GLRA3: variants seen among roughly 807,000 people sequenced by gnomAD.
GLRA3 encodes glycine receptor alpha 3.
In GLRA3, 44 loss-of-function variants were observed where a neutral mutation model predicts 60.4. The observed-to-expected ratio is 0.73, with a 90% CI of 0.57 to 0.94. The LOEUF (loss-of-function observed/expected upper bound fraction) is 0.94, where lower values mean the gene tolerates loss of function less well. Ranked by LOEUF, GLRA3 falls within the 40% of genes least tolerant of loss-of-function variation. The pLI, the probability that GLRA3 is intolerant of heterozygous loss-of-function variation, is 0.00. For missense variants in GLRA3, 508 were observed against 564.6 expected, an observed-to-expected ratio of 0.90 and a Z score of 1.02; for synonymous variants, 223 against 192.9, an observed-to-expected ratio of 1.16 and a Z score of -1.29.
rs111543471 is a variant in GLRA3, at chr4:174,809,140, G to A, written c.71+19601C>T. On this transcript the variant is annotated intron_variant, in intron 1 of 9. Transcript: ENST00000274093. ...TCATTTGCTTTTACCTTTAGCAAACGTAGTTTTACTGTATCATTTCTATGT... is the reference window on the plus strand; with the variant it reads ...TCATTTGCTTTTACCTTTAGCAAACATAGTTTTACTGTATCATTTCTATGT... 6.6e-3 allele frequency among the ~76,000 whole-genome samples: 1,008 copies of A among 152,150 alleles called. 12 individuals carry two copies. Among genetic ancestry groups the A allele is most frequent in the African/African-American group, 0.023 (962 of 41,514 alleles).
At chr4:174,737,673 G>A (rs1205558109) in intron 3 of GLRA3, among the ~76,000 whole-genome samples, 1 of 151,960 alleles carries the variant, frequency 6.6e-6, no homozygotes, top group Non-Finnish European at 1.5e-5. Flanking sequence ...CACCATGTCT[G>A]GAGAAATTTT....
chr4:174,708,821 T>C (rs1478116437), intron 5 of GLRA3, among the ~76,000 whole-genome samples: 1 of 150,486 alleles, frequency 6.6e-6, no homozygotes, highest in Non-Finnish European at 1.5e-5. Flanking sequence ...CTTTTTTTTT[T>C]CAACTAGCAA....
intron 2 of GLRA3, among the ~76,000 whole-genome samples, chr4:174,772,972 A>G (rs866836274): frequency 6.6e-6 from 1 of 152,186 alleles, no homozygotes; most frequent in Non-Finnish European, 1.5e-5. Context: ...GGTGCACATG[A>G]GATTAGTGCA....
intron 1 of GLRA3, among the ~76,000 whole-genome samples, chr4:174,790,672 C>T (rs75011216): frequency 0.092 from 13,954 of 151,800 alleles, 800 homozygotes; most frequent in Middle Eastern, 0.18. Flanking sequence ...TACTCTGCCT[C>T]CTTCTCTTTT....
chr4:174,706,177 C>A (rs1056699377), intron 5 of GLRA3, among the ~76,000 whole-genome samples: 29 of 151,836 alleles, frequency 1.9e-4, no homozygotes, highest in Non-Finnish European at 3.2e-4. Flanking sequence ...TTGCAGTGAG[C>A]CGAGTTCACG....
intron 5 of GLRA3, among the ~76,000 whole-genome samples, chr4:174,695,684 G>A (rs532804360): frequency 2.0e-4 from 30 of 152,042 alleles, no homozygotes; most frequent in Non-Finnish European, 2.1e-4. Context: ...GGCACAAGAC[G>A]AGAATGTCCT....
intron 5 of GLRA3, among the ~76,000 whole-genome samples, chr4:174,685,556 T>C (rs1247169330): frequency 2.0e-5 from 3 of 152,182 alleles, no homozygotes; most frequent in Non-Finnish European, 4.4e-5. Flanking sequence ...TGTGGGAACC[T>C]GAAGGACTGT....
chr4:174,779,904 G>C (rs897722391), intron 2 of GLRA3, among the ~76,000 whole-genome samples: 20 of 152,036 alleles, frequency 1.3e-4, no homozygotes, highest in African/African-American at 4.8e-4. Context: ...ATATCATCCA[G>C]GAGAACTTCC....
intron 7 of GLRA3, 149 bp from the exon 8 acceptor site, chr4:174,659,346 CTTAG>C (rs780128023): frequency 1.5e-6 from 1 of 647,820 alleles, no homozygotes; most frequent in African/African-American, 1.9e-5. Flanking sequence ...TTGAAGTTTC[CTTAG>C]TTATTTTTGT....
In GLRA3 at chr4:174,637,697, T is replaced by C. The variant is rs1732529807; in HGVS notation, c.*6089A>G. 6.6e-6 allele frequency: 1 copy of C among 152,200 alleles called. No homozygotes were observed. Among genetic ancestry groups the C allele is most frequent in the Admixed American group, 6.5e-5 (1 of 15,268 alleles). 9.4% of individuals were successfully genotyped at this position (152,200 alleles called of 1,614,324 possible). A position where few individuals can be genotyped will look rare whatever the true frequency, so the allele number is the denominator to read the frequency against. The stretch of plus-strand genomic sequence containing the variant: ...AGCTTTACTCTAAAAACACACAATA[T>C]GGTTAATATGGTTTGCTGCTAGTTT... On this transcript the variant is annotated 3_prime_UTR_variant, in exon 10 of 10. Transcript: ENST00000274093.
chr4:174,801,784 C>T (rs1304581888), intron 1 of GLRA3, among the ~76,000 whole-genome samples: 2 of 152,008 alleles, frequency 1.3e-5, no homozygotes. Flanking sequence ...ATAATTCCCC[C>T]AGGAAGCCTT....
chr4:174,639,582 A>G lies in GLRA3; in HGVS notation c.*4204T>C, dbSNP rs1732580511. Reference sequence around the variant, plus strand: ...ATTTTTCCCTGCCCTAGTTCCGTTTAAATTGTAGAGAGTTATATTTTACAC... The same window carrying G: ...ATTTTTCCCTGCCCTAGTTCCGTTTGAATTGTAGAGAGTTATATTTTACAC... On this transcript the variant is annotated 3_prime_UTR_variant, in exon 10 of 10. Coordinates refer to ENST00000274093, the MANE Select transcript of GLRA3 (RefSeq NM_006529.4). 2 of 152,098 alleles carry G rather than the reference A, an allele frequency of 1.3e-5. No individual in the cohort carries two copies. Among genetic ancestry groups the G allele is most frequent in the Non-Finnish European group, 2.9e-5 (2 of 68,018 alleles). 9.4% of individuals were successfully genotyped at this position (152,098 alleles called of 1,614,324 possible).
chr4:174,732,805 ATGTATGTG>A (rs927283063), intron 3 of GLRA3, among the ~76,000 whole-genome samples: 2 of 151,764 alleles, frequency 1.3e-5, no homozygotes, highest in Admixed American at 6.6e-5. Context: ...ATGTGTATGT[ATGTATGTG>A]TGTATGTATG....
rs191518018 is a variant in GLRA3 at position 174,756,587 on chromosome 4, G to A, written c.267+10376C>T. 5.3e-5 allele frequency among the ~76,000 whole-genome samples: 8 copies of A among 151,386 alleles called. No homozygotes were observed. In the East Asian group the frequency reaches 1.4e-3, roughly 26 times the overall value. ...AACATCTCAGCAAACAACAGTGGAAGTAAACTCAATCTAATAAGGAGGATT... is the reference window on the plus strand; with the variant it reads ...AACATCTCAGCAAACAACAGTGGAAATAAACTCAATCTAATAAGGAGGATT... On this transcript the variant is annotated intron_variant, in intron 3 of 9. Coordinates refer to ENST00000274093, the MANE Select transcript of GLRA3 (RefSeq NM_006529.4).
intron 1 of GLRA3, among the ~76,000 whole-genome samples, chr4:174,801,133 T>A (rs1739795964): frequency 6.6e-6 from 1 of 152,074 alleles, no homozygotes; most frequent in Admixed American, 6.6e-5. Flanking sequence ...GATGAGTTTA[T>A]CAAGATGTAA....
chr4:174,787,729 C>T (rs1579608400), intron 2 of GLRA3, among the ~76,000 whole-genome samples: 1 of 151,916 alleles, frequency 6.6e-6, no homozygotes, highest in African/African-American at 2.4e-5. Context: ...ACAACTTGTA[C>T]TCAGTGCTTT....
chr4:174,725,104 C>T (rs986865703), intron 4 of GLRA3, among the ~76,000 whole-genome samples: 2 of 152,152 alleles, frequency 1.3e-5, no homozygotes, highest in Non-Finnish European at 2.9e-5. Context: ...AGCTTCATAC[C>T]CTTTCCCCCT....
chr4:174,805,225 T>A (rs1433566330), intron 1 of GLRA3, among the ~76,000 whole-genome samples: 2 of 152,168 alleles, frequency 1.3e-5, no homozygotes, highest in East Asian at 1.9e-4. Flanking sequence ...TGTATTAGGA[T>A]GAGTGTGGTG....
intron 1 of GLRA3, among the ~76,000 whole-genome samples, chr4:174,817,165 A>C (rs1740539008): frequency 1.3e-5 from 2 of 152,192 alleles, no homozygotes; most frequent in Non-Finnish European, 2.9e-5. Context: ...CCACAGAGGC[A>C]CACAAGCCTG....
Sources: allele counts gnomAD v4.1 joint callset (sites outside exome capture counted in the v4.1 genomes callset), GRCh38; gene constraint gnomAD v4.1.1; transcripts MANE v1.5; gene names NCBI Gene and HGNC (gene_info 2026-07-23, HGNC 2026-07-21).